Variants in ROR2 observed in about 807,000 individuals in gnomAD.
The protein encoded by ROR2 is ROR family WNT receptor 2, also known as tyrosine-protein kinase transmembrane receptor ROR2.
In ROR2, 33 loss-of-function variants were observed where a neutral mutation model predicts 74.9. The observed-to-expected ratio is 0.44, with a 90% CI of 0.33 to 0.59. The LOEUF is 0.59. Ranked by LOEUF, ROR2 falls within the 20% of genes least tolerant of loss-of-function variation. ROR2 has a pLI of 0.02. For synonymous variants in ROR2, 586 were observed against 558.7 expected (o/e 1.05, Z -0.69); for missense variants, 1,216 against 1,313.8 (o/e 0.93, Z 1.15).
intron 1 of ROR2, among the ~76,000 whole-genome samples, chr9:91,888,281 C>A (rs1273867257): frequency 6.6e-6 from 1 of 152,066 alleles, no homozygotes; most frequent in Non-Finnish European, 1.5e-5. Context: ...TTTTTGAGAT[C>A]CATTTATTTA....
chr9:91,859,851 ATG>A (rs1829416776), intron 1 of ROR2, among the ~76,000 whole-genome samples: 1 of 152,094 alleles, frequency 6.6e-6, no homozygotes, highest in Non-Finnish European at 1.5e-5. Context: ...AAACAAAACC[ATG>A]TGTTTCAGCC....
At chr9:91,727,291 A>G (rs1286091139) in intron 7 of ROR2, among the ~76,000 whole-genome samples, 2 of 152,234 alleles carry the variant, frequency 1.3e-5, no homozygotes, top group African/African-American at 4.8e-5. Context: ...TAGATTTAAA[A>G]GAGCACCAGT....
intron 1 of ROR2, among the ~76,000 whole-genome samples, chr9:91,881,606 ATT>A (rs1339273894): frequency 6.6e-6 from 1 of 152,184 alleles, no homozygotes; most frequent in Admixed American, 6.5e-5. Context: ...GTTACAAATA[ATT>A]TTTGTTTCCT....
chr9:91,838,626 G>A (rs1227101653), intron 1 of ROR2, among the ~76,000 whole-genome samples: 12 of 152,122 alleles, frequency 7.9e-5, no homozygotes, highest in African/African-American at 2.7e-4. Flanking sequence ...AGGCTCGCAG[G>A]CAGCCACCCC....
intron 1 of ROR2, among the ~76,000 whole-genome samples, chr9:91,873,127 C>T (rs1307345161): frequency 9.9e-5 from 15 of 152,208 alleles, no homozygotes; most frequent in Admixed American, 2.6e-4. Flanking sequence ...CTTGCTTTTC[C>T]GGATACACAG....
chr9:91,785,279 T>G (rs1826759776), intron 1 of ROR2, among the ~76,000 whole-genome samples: 1 of 152,212 alleles, frequency 6.6e-6, no homozygotes, highest in Non-Finnish European at 1.5e-5. Flanking sequence ...GTGCATATGG[T>G]TCACCCCTCA....
intron 1 of ROR2, among the ~76,000 whole-genome samples, chr9:91,945,958 G>A (rs1329485365): frequency 1.3e-5 from 2 of 152,294 alleles, no homozygotes; most frequent in African/African-American, 2.4e-5. Context: ...TAATTAATGG[G>A]CTGGAGCGCC....
At chr9:91,945,513 C>T (rs894735816) in intron 1 of ROR2, among the ~76,000 whole-genome samples, 4 of 152,166 alleles carry the variant, frequency 2.6e-5, no homozygotes, top group Admixed American at 1.3e-4. Flanking sequence ...CTCATTCCAG[C>T]GACAATTAAA....
At chr9:91,745,523 G>C (rs1211275314) in intron 4 of ROR2, among the ~76,000 whole-genome samples, 2 of 142,346 alleles carry the variant, frequency 1.4e-5, no homozygotes, top group African/African-American at 2.7e-5. Context: ...CCACCTCCCT[G>C]GTTCAAGCAG....
intron 1 of ROR2, among the ~76,000 whole-genome samples, chr9:91,781,592 C>T (rs1191828370): frequency 6.6e-6 from 1 of 152,188 alleles, no homozygotes; most frequent in Admixed American, 6.5e-5. Flanking sequence ...AGACACTGCA[C>T]CCTGTGTTTC....
intron 1 of ROR2, among the ~76,000 whole-genome samples, chr9:91,812,557 C>G (rs879849972): frequency 6.7e-6 from 1 of 148,818 alleles, no homozygotes; most frequent in Non-Finnish European, 1.5e-5. Flanking sequence ...CTGTCCTCCC[C>G]GCCCCACCCC....
chr9:91,932,276 A>G (rs1286418795), intron 1 of ROR2, among the ~76,000 whole-genome samples: 1 of 152,216 alleles, frequency 6.6e-6, no homozygotes, highest in East Asian at 1.9e-4. Context: ...GGATTCTAAT[A>G]TATGTCTCAA....
At chr9:91,908,147 G>C (rs895669763) in intron 1 of ROR2, among the ~76,000 whole-genome samples, 3 of 152,148 alleles carry the variant, frequency 2.0e-5, no homozygotes, top group Non-Finnish European at 2.9e-5. Flanking sequence ...ATGGGGGGAG[G>C]GAGGAGTTGA....
intron 7 of ROR2, among the ~76,000 whole-genome samples, chr9:91,727,375 T>C (rs2118650602): frequency 6.6e-6 from 1 of 151,304 alleles, no homozygotes; most frequent in East Asian, 1.9e-4. Context: ...GTACCAAGAT[T>C]CAAGGCCACC....
intron 1 of ROR2, among the ~76,000 whole-genome samples, chr9:91,864,453 G>A (rs1276520385): frequency 1.3e-5 from 2 of 152,192 alleles, no homozygotes; most frequent in Non-Finnish European, 2.9e-5. Context: ...CAACACACAT[G>A]GAGAAGGAAT....
chr9:91,784,923 C>T (rs1200938087), intron 1 of ROR2, among the ~76,000 whole-genome samples: 1 of 152,196 alleles, frequency 6.6e-6, no homozygotes, highest in Admixed American at 6.5e-5. Context: ...TGTGTGCTCA[C>T]TGCCAGCCCC....
At chr9:91,895,254 G>A (rs968761878) in intron 1 of ROR2, among the ~76,000 whole-genome samples, 1 of 152,208 alleles carries the variant, frequency 6.6e-6, no homozygotes, top group African/African-American at 2.4e-5. Flanking sequence ...GATTGGGGAG[G>A]AAGGGATGAA....
At chr9:91,855,805 G>A (rs1157330534) in intron 1 of ROR2, among the ~76,000 whole-genome samples, 1 of 151,354 alleles carries the variant, frequency 6.6e-6, no homozygotes, top group Non-Finnish European at 1.5e-5. Flanking sequence ...AGAGAGGAGG[G>A]ACCAGGGCGG....
chr9:91,822,555 CA>C (rs1164532404), intron 1 of ROR2, among the ~76,000 whole-genome samples: 3 of 152,158 alleles, frequency 2.0e-5, no homozygotes, highest in Admixed American at 1.3e-4. Context: ...CTTTTCTTTT[CA>C]GTAGAAATGG....
Sources: allele counts gnomAD v4.1 joint callset (sites outside exome capture counted in the v4.1 genomes callset), GRCh38; gene constraint gnomAD v4.1.1; transcripts MANE v1.5; gene names NCBI Gene and HGNC (gene_info 2026-07-23, HGNC 2026-07-21).